EPB41: variants seen among roughly 807,000 people sequenced by gnomAD.
The protein encoded by EPB41 is erythrocyte membrane protein band 4.1, also known as protein 4.1.
EPB41 carries 65 observed loss-of-function variants against 108.0 expected under a neutral mutation model. The ratio of observed to expected loss-of-function variants is 0.60; its 90% CI spans 0.49 to 0.74. EPB41 has a LOEUF of 0.74. EPB41 is among the 30% of genes least tolerant of loss of function. The pLI, the probability that EPB41 is intolerant of heterozygous loss-of-function variation, is 0.00. For missense variants in EPB41, 875 were observed against 1,037.0 expected, an observed-to-expected ratio of 0.84 and a Z score of 2.15; for synonymous variants, 336 against 358.9, an observed-to-expected ratio of 0.94 and a Z score of 0.72.
At chr1:29,090,906 T>C (rs1410684108) in intron 16 of EPB41, among the ~76,000 whole-genome samples, 2 of 152,212 alleles carry the variant, frequency 1.3e-5, no homozygotes, top group African/African-American at 4.8e-5. Context: ...CAGTGTCAAC[T>C]TGAGAAGTTG....
chr1:29,018,212 T>C lies in EPB41; in HGVS notation c.906-12T>C. The C allele has an allele frequency of 1.2e-6, 2 of 1,613,174 alleles. No homozygotes were observed. Among genetic ancestry groups the C allele is most frequent in the Non-Finnish European group, 1.7e-6 (2 of 1,179,146 alleles). The stretch of plus-strand genomic sequence containing the variant: ...TTGTTGCTGACATAACATTTTTCTC[T>C]TTTGGCTGTAGATATTATTTATGTC... On this transcript the variant is annotated splice_polypyrimidine_tract_variant and intron_variant, in intron 6 of 20. Coordinates refer to ENST00000343067, the MANE Select transcript of EPB41 (RefSeq NM_001376013.1). This position sits in a 1 kb window ranked among gnomAD's most constrained non-coding sequence, Gnocchi z 4.4.
chr1:28,903,021 C>T (rs2091453353), intron 1 of EPB41, among the ~76,000 whole-genome samples: 2 of 152,196 alleles, frequency 1.3e-5, no homozygotes. Context: ...CAAATCACTT[C>T]ACCTCTCTGA....
In EPB41 at chr1:28,997,292, A is replaced by C; in HGVS notation, c.759A>C (p.Leu253=). 1 of 1,613,822 alleles carries C rather than the reference A, an allele frequency of 6.2e-7. No individual in the cohort carries two copies. The highest frequency in any genetic ancestry group is 8.5e-7 in the Non-Finnish European group (1 of 1,179,656). Residue 253 remains leucine, a synonymous_variant, in exon 4 of 21, where the codon CTA becomes CTC. Coordinates refer to ENST00000343067, the MANE Select transcript of EPB41 (RefSeq NM_001376013.1). The part of the protein sequence containing the change: ...LNLLEEDYFG[L]AIWDNATSKT... ...TTTTGGAAGAAGACTATTTTGGTCT[A>C]GCCATTTGGGATAACGCAACCTCTA...
intron 16 of EPB41, chr1:29,070,356 G>A: frequency 8.1e-7 from 1 of 1,231,896 alleles, no homozygotes; most frequent in African/African-American, 1.5e-5. Context: ...CTTCTACTGT[G>A]AAAGCAGACA....
At chr1:28,963,802 CATTGTCTTTG>C (rs371177223) in intron 1 of EPB41, among the ~76,000 whole-genome samples, 1 of 152,316 alleles carries the variant, frequency 6.6e-6, no homozygotes, top group African/African-American at 2.4e-5. Context: ...TTACACTCAA[CATTGTCTTTG>C]AAGACTCAGA....
rs143330659 is a variant in EPB41, at chr1:29,108,399, C to T, written c.2314-937C>T. On this transcript the variant is annotated intron_variant, in intron 17 of 20. Coordinates refer to ENST00000343067, the MANE Select transcript of EPB41 (RefSeq NM_001376013.1). ...CCCACCTCAGGTGATCTGCCCCCCT[C>T]GGTCTCCCAAAGTGCTGGGATTATA... Among the ~76,000 whole-genome samples the T allele has an allele frequency of 7.2e-3, 1,101 of 151,934 alleles. 29 individuals are homozygous for T. Among genetic ancestry groups the T allele is most frequent in the East Asian group, 0.054 (277 of 5,102 alleles).
chr1:29,020,164 G>A (rs2096626354), intron 7 of EPB41, among the ~76,000 whole-genome samples: 1 of 151,974 alleles, frequency 6.6e-6, no homozygotes, highest in Admixed American at 6.6e-5. Context: ...CACCTCCCGG[G>A]TTCAAGCAAT....
At chr1:28,983,464 T>C (rs1379543517) in intron 1 of EPB41, among the ~76,000 whole-genome samples, 1 of 152,174 alleles carries the variant, frequency 6.6e-6, no homozygotes, top group African/African-American at 2.4e-5. Context: ...TTATTAGAAT[T>C]GTAGAATCTC....
intron 8 of EPB41, 63 bp from the exon 9 acceptor site, chr1:29,033,030 A>C (rs1013206017): frequency 6.8e-7 from 1 of 1,475,606 alleles, no homozygotes; most frequent in African/African-American, 1.4e-5. Flanking sequence ...ATTATCTAGT[A>C]ATAGTCAACA....
chr1:28,888,709 G>A (rs2089750401), intron 1 of EPB41, among the ~76,000 whole-genome samples: 1 of 152,186 alleles, frequency 6.6e-6, no homozygotes, highest in Non-Finnish European at 1.5e-5. Context: ...CCCACTGCAA[G>A]CTCCGCCTCC....
At position 29,058,641 on chromosome 1, in the gene EPB41, C is replaced by T; in HGVS notation, c.1898C>T (p.Thr633Ile). 6.2e-7 allele frequency: 1 copy of T among 1,613,700 alleles called. No individual in the cohort carries two copies. The highest frequency in any genetic ancestry group is 8.5e-7 in the Non-Finnish European group (1 of 1,179,766). ...VTVPTSNGDQ[T>I]QKLAEKTEDL... ...GTACCCACCTCAAATGGTGACCAAACACAGGTTTGTGCCAATAGGCCACTT... is the reference window on the plus strand; with the variant it reads ...GTACCCACCTCAAATGGTGACCAAATACAGGTTTGTGCCAATAGGCCACTT... The change falls in exon 13 of 21, where the codon ACA becomes ATA. Residue 633 changes from threonine (T) to isoleucine (I), a missense_variant. This residue lies in a region of EPB41 where 519 missense variants were observed against 627.3 expected (regional missense o/e 0.83). Transcript: ENST00000343067.
intron 1 of EPB41, among the ~76,000 whole-genome samples, chr1:28,928,294 A>T (rs1437330934): frequency 2.6e-5 from 4 of 152,112 alleles, no homozygotes; most frequent in African/African-American, 9.7e-5. Flanking sequence ...GATTTCTCTA[A>T]ATACAGAGGA....
intron 16 of EPB41, among the ~76,000 whole-genome samples, chr1:29,094,705 A>G (rs754403324): frequency 2.0e-5 from 3 of 152,096 alleles, no homozygotes; most frequent in African/African-American, 4.8e-5. Flanking sequence ...TTCATTTCCT[A>G]CTAGTGTGAA....
intron 16 of EPB41, among the ~76,000 whole-genome samples, chr1:29,074,161 C>G (rs1018708237): frequency 3.9e-5 from 6 of 152,118 alleles, no homozygotes; most frequent in Admixed American, 2.6e-4. Flanking sequence ...GACATGGTCT[C>G]ATTGTTGCTT....
rs750809586 is a variant in EPB41 at position 29,088,045 on chromosome 1, C to CTTTTT, written c.2185-9759_2185-9755dup. On this transcript the variant is annotated intron_variant, in intron 16 of 20. Coordinates refer to ENST00000343067, the MANE Select transcript of EPB41 (RefSeq NM_001376013.1). ...CATCTTTTTTCCTTTTTCTTTTTTTCTTTTTTTCTTTTTTTTTTGAGATGG... is the reference window on the plus strand; with the variant it reads ...CATCTTTTTTCCTTTTTCTTTTTTTCTTTTTTTTTTTTCTTTTTTTTTTGAGATGG... 5.3e-5 allele frequency among the ~76,000 whole-genome samples: 7 copies of CTTTTT among 131,576 alleles called. 2 individuals carry two copies. Among genetic ancestry groups the CTTTTT allele is most frequent in the Non-Finnish European group, 3.3e-5 (2 of 59,918 alleles). 86.3% of individuals were successfully genotyped at this position (131,576 alleles called of 152,430 possible). A position where few individuals can be genotyped will look rare whatever the true frequency, so the allele number is the denominator to read the frequency against.
At chr1:29,080,382 G>A (rs6657875) in intron 16 of EPB41, among the ~76,000 whole-genome samples, 100,498 of 151,054 alleles carry the variant, frequency 0.67, 35,474 homozygotes, top group Non-Finnish European at 0.79. Context: ...AATTACAGGC[G>A]TGAGTCACTG....
chr1:29,109,526 G>A lies in EPB41; in HGVS notation c.2415+89G>A, dbSNP rs1237119882. 7.2e-6 allele frequency: 8 copies of A among 1,107,434 alleles called. No individual in the cohort carries two copies. In the East Asian group the frequency reaches 1.9e-4, roughly 26 times the overall value. 68.6% of individuals were successfully genotyped at this position (1,107,434 alleles called of 1,614,324 possible). A position where few individuals can be genotyped will look rare whatever the true frequency, so the allele number is the denominator to read the frequency against. ...CTGCAAGAAGGACCCTAGTCCATAA[G>A]CAAATATTTTCAGCTCCATCCCTAG... On this transcript the variant is annotated intron_variant, in intron 18 of 20. Coordinates refer to ENST00000343067, the MANE Select transcript of EPB41 (RefSeq NM_001376013.1).
At chr1:28,948,999 A>G (rs997404453) in intron 1 of EPB41, among the ~76,000 whole-genome samples, 2 of 152,182 alleles carry the variant, frequency 1.3e-5, no homozygotes, top group African/African-American at 4.8e-5. Context: ...GTGTAATATT[A>G]AAGTAGCACC....
At chr1:28,937,045 C>G (rs915079101) in intron 1 of EPB41, among the ~76,000 whole-genome samples, 4 of 152,098 alleles carry the variant, frequency 2.6e-5, no homozygotes, top group Non-Finnish European at 4.4e-5. Context: ...CATAAGGGTA[C>G]CAATGTCTCT....
Sources: gnomAD v4.1 joint callset for allele counts (sites outside exome capture counted in the v4.1 genomes callset) on GRCh38, gnomAD v4.1.1 for gene constraint, gnomAD v4.1.1 regional missense constraint, Gnocchi (gnomAD v3.1) non-coding constraint, MANE v1.5 for transcripts, NCBI Gene and HGNC (gene_info 2026-07-23, HGNC 2026-07-21) for gene names.